RFC3: variants seen among roughly 807,000 people sequenced by gnomAD.
RFC3 encodes A1 38 kDa subunit.
In RFC3, 41 loss-of-function variants were observed where a neutral mutation model predicts 45.1. The ratio of observed to expected loss-of-function variants is 0.91; its 90% CI spans 0.71 to 1.18. The LOEUF is 1.18. Among genes scored for constraint, RFC3 ranks in the 50% most tolerant of loss-of-function variants. The pLI, the probability that RFC3 is intolerant of heterozygous loss-of-function variation, is 0.00. For missense variants in RFC3, 423 were observed against 428.1 expected (o/e 0.99, Z 0.10); for synonymous variants, 149 against 144.0 (o/e 1.03, Z -0.25).
chr13:33,892,313 G>C (rs1410497274), intron 8 of RFC3, among the ~76,000 whole-genome samples: 1 of 152,154 alleles, frequency 6.6e-6, no homozygotes, highest in East Asian at 1.9e-4. Flanking sequence ...CCAGGAGCCA[G>C]AATAAGGGAT....
chr13:33,897,537 G>A (rs1183645217), intron 8 of RFC3, among the ~76,000 whole-genome samples: 1 of 151,876 alleles, frequency 6.6e-6, no homozygotes, highest in Non-Finnish European at 1.5e-5. Context: ...CAGAAAATAA[G>A]CAATAAAATG....
At chr13:33,872,352 A>G (rs2082415565) in intron 8 of RFC3, among the ~76,000 whole-genome samples, 1 of 152,222 alleles carries the variant, frequency 6.6e-6, no homozygotes, top group Non-Finnish European at 1.5e-5. Context: ...ATTCTTGAGA[A>G]ATGATTGAAA....
At chr13:33,870,999 C>T (rs1196105916) in intron 8 of RFC3, among the ~76,000 whole-genome samples, 1 of 152,134 alleles carries the variant, frequency 6.6e-6, no homozygotes, top group African/African-American at 2.4e-5. Context: ...TGTAGACCCT[C>T]AGAGTTAGAA....
chr13:33,951,042 T>G (rs1042461483), intron 8 of RFC3, among the ~76,000 whole-genome samples: 1 of 139,828 alleles, frequency 7.2e-6, no homozygotes, highest in Non-Finnish European at 1.5e-5. Context: ...GATGGCTCTT[T>G]TTTTTTTTTT....
intron 6 of RFC3, 39 bp downstream of exon 6, chr13:33,830,894 C>G: frequency 6.4e-7 from 1 of 1,574,190 alleles, no homozygotes; most frequent in Non-Finnish European, 8.6e-7. Flanking sequence ...GACTTTGGCC[C>G]CCAAGCTTTT....
chr13:33,912,700 A>T (rs765826751), intron 8 of RFC3, among the ~76,000 whole-genome samples: 29 of 152,076 alleles, frequency 1.9e-4, no homozygotes, highest in Admixed American at 6.6e-4. Flanking sequence ...AATTCTATGA[A>T]CGCTGTGGGA....
At chr13:33,942,429 G>A (rs1256905203) in intron 8 of RFC3, among the ~76,000 whole-genome samples, 1 of 152,014 alleles carries the variant, frequency 6.6e-6, no homozygotes, top group East Asian at 1.9e-4. Flanking sequence ...GGTAATTGGG[G>A]TATCCATTGC....
At chr13:33,933,689 T>G (rs2082867154) in intron 8 of RFC3, among the ~76,000 whole-genome samples, 1 of 151,808 alleles carries the variant, frequency 6.6e-6, no homozygotes, top group South Asian at 2.1e-4. Context: ...AAACTTTTTT[T>G]CCCCTCTCCT....
chr13:33,921,650 C>G (rs933586526), intron 8 of RFC3, among the ~76,000 whole-genome samples: 1 of 152,042 alleles, frequency 6.6e-6, no homozygotes, highest in South Asian at 2.1e-4. Context: ...ATGGTGCAGC[C>G]TTTCACGATG....
intron 8 of RFC3, chr13:33,849,509 T>C (rs1434183771): frequency 2.0e-5 from 3 of 152,004 alleles, no homozygotes; most frequent in Non-Finnish European, 4.4e-5. Context: ...ATAACCCTTC[T>C]CCAGGCCATC....
At chr13:33,879,233 G>C (rs761842514) in intron 8 of RFC3, among the ~76,000 whole-genome samples, 8 of 152,062 alleles carry the variant, frequency 5.3e-5, no homozygotes, top group Non-Finnish European at 1.0e-4. Context: ...AGACACAATA[G>C]AACAATTGTA....
downstream of RFC3, among the ~76,000 whole-genome samples, chr13:33,970,333 C>T (rs2083104896): frequency 6.6e-6 from 1 of 152,134 alleles, no homozygotes; most frequent in Non-Finnish European, 1.5e-5. Context: ...TCCAATCTAT[C>T]ATTGATGGGC....
intron 8 of RFC3, among the ~76,000 whole-genome samples, chr13:33,856,163 AAC>A (rs1402096640): frequency 6.6e-6 from 1 of 152,174 alleles, no homozygotes; most frequent in African/African-American, 2.4e-5. Context: ...AAGGAAGTAA[AAC>A]AGTCTCAATG....
chr13:33,882,713 C>G (rs1947517484), intron 8 of RFC3, among the ~76,000 whole-genome samples: 2 of 152,252 alleles, frequency 1.3e-5, no homozygotes, highest in South Asian at 4.2e-4. Flanking sequence ...GTTAAAGCAG[C>G]CCTAAGACAG....
At chr13:33,896,711 C>CAAAAAAAAAAAAAAAAAA (rs56129519) in intron 8 of RFC3, among the ~76,000 whole-genome samples, 3 of 42,112 alleles carry the variant, frequency 7.1e-5, no homozygotes, top group South Asian at 1.1e-3. Context: ...GACTTTGTCT[C>CAAAAAAAAAAAAAAAAAA]AAAAAAAAAA....
chr13:33,841,591 A>G (rs2082199042), downstream of RFC3, among the ~76,000 whole-genome samples: 1 of 152,170 alleles, frequency 6.6e-6, no homozygotes, highest in Non-Finnish European at 1.5e-5. Flanking sequence ...ACTTTATGTT[A>G]TTGGTAAGGC....
At chr13:33,911,033 A>G (rs1056992776) in intron 8 of RFC3, among the ~76,000 whole-genome samples, 2 of 152,090 alleles carry the variant, frequency 1.3e-5, no homozygotes, top group African/African-American at 2.4e-5. Context: ...ACAATTTGAC[A>G]TGAGATTTAG....
intron 8 of RFC3, among the ~76,000 whole-genome samples, chr13:33,856,544 G>A (rs1040135317): frequency 6.6e-5 from 10 of 152,096 alleles, no homozygotes; most frequent in South Asian, 2.1e-4. Flanking sequence ...CAAAATAAAC[G>A]TATTCCTGGG....
At position 33,874,286 on chromosome 13, in the gene RFC3, A is replaced by C. The variant is rs186400945; in HGVS notation, c.879+39069A>C. The stretch of plus-strand genomic sequence containing the variant: ...ATGGGGACACTGGCCCAGCAATGCC[A>C]CTAACTAGATGGGTGCTTCTTTTTG... On this transcript the variant is annotated intron_variant, in intron 8 of 8. Coordinates refer to the RFC3 transcript ENST00000434425. 2.0e-4 allele frequency among the ~76,000 whole-genome samples: 30 copies of C among 152,288 alleles called. No individual in the cohort carries two copies. In the East Asian group the frequency reaches 5.8e-3, roughly 29 times the overall value.
Sources: gnomAD v4.1 joint callset for allele counts (sites outside exome capture counted in the v4.1 genomes callset) on GRCh38, gnomAD v4.1.1 for gene constraint, MANE v1.5 for transcripts, NCBI Gene and HGNC (gene_info 2026-07-23, HGNC 2026-07-21) for gene names.